The following MARCHF3 variants were observed in gnomAD, a reference collection of about 807,000 sequenced individuals.
The protein encoded by MARCHF3 is E3 ubiquitin-protein ligase MARCHF3.
In MARCHF3, 13 loss-of-function variants were observed where a neutral mutation model predicts 24.2. That is an observed-to-expected ratio of 0.54 (90% CI 0.35 to 0.85). The LOEUF (loss-of-function observed/expected upper bound fraction) is 0.85. MARCHF3 is among the 40% of genes least tolerant of loss of function. The probability of loss-of-function intolerance (pLI) is 0.01; values close to 1 mark genes in which losing one functional copy is unlikely to be tolerated. For synonymous variants in MARCHF3, 144 were observed against 137.3 expected (o/e 1.05, Z -0.34); for missense variants, 276 against 325.0 (o/e 0.85, Z 1.16).
At chr5:126,898,130 G>A (rs769635364) in intron 3 of MARCHF3, among the ~76,000 whole-genome samples, 1 of 151,992 alleles carries the variant, frequency 6.6e-6, no homozygotes, top group African/African-American at 2.4e-5. Context: ...AATCAACTGT[G>A]GTGATGACTA....
chr5:127,006,557 T>C (rs1037277718), intron 1 of MARCHF3, among the ~76,000 whole-genome samples: 1 of 152,228 alleles, frequency 6.6e-6, no homozygotes, highest in African/African-American at 2.4e-5. Flanking sequence ...ACGTTTAGTA[T>C]TTTAAAAAAT....
intron 1 of MARCHF3, among the ~76,000 whole-genome samples, chr5:126,963,304 A>G (rs1393683045): frequency 6.6e-6 from 1 of 152,162 alleles, no homozygotes. Flanking sequence ...AAATAATACA[A>G]TTCTTCTTTA....
chr5:126,896,201 C>T (rs905027033), intron 3 of MARCHF3, among the ~76,000 whole-genome samples: 6 of 152,150 alleles, frequency 3.9e-5, no homozygotes, highest in African/African-American at 1.4e-4. Flanking sequence ...TGACCTGCGC[C>T]CACTGTCTGG....
intron 3 of MARCHF3, among the ~76,000 whole-genome samples, chr5:126,910,098 C>G (rs565108079): frequency 2.0e-5 from 3 of 152,310 alleles, no homozygotes; most frequent in South Asian, 4.1e-4. Context: ...TGTGAAAAAT[C>G]ACTGTGGCTC....
intron 1 of MARCHF3, among the ~76,000 whole-genome samples, chr5:126,991,560 T>C (rs1345270940): frequency 6.6e-6 from 1 of 151,864 alleles, no homozygotes; most frequent in African/African-American, 2.4e-5. Context: ...TAAAATAAAA[T>C]AATACAAAAA....
At chr5:126,874,610 A>G (rs1312688126) in intron 4 of MARCHF3, among the ~76,000 whole-genome samples, 1 of 151,210 alleles carries the variant, frequency 6.6e-6, no homozygotes, top group Non-Finnish European at 1.5e-5. Flanking sequence ...AAAAAGTCAC[A>G]GAAGGCTTTG....
At chr5:126,951,239 T>C (rs1199358603) in intron 1 of MARCHF3, among the ~76,000 whole-genome samples, 1 of 152,204 alleles carries the variant, frequency 6.6e-6, no homozygotes. Context: ...ACCTCACTGA[T>C]GCTCTTTACT....
chr5:126,898,954 CTTTTT>C, intron 3 of MARCHF3: 5 of 899,310 alleles, frequency 5.6e-6, no homozygotes, highest in Non-Finnish European at 6.6e-6. Context: ...AAGAATTAAA[CTTTTT>C]TTTTTAGTAT....
chr5:126,904,519 G>A (rs1470769469), intron 3 of MARCHF3, among the ~76,000 whole-genome samples: 4 of 148,824 alleles, frequency 2.7e-5, no homozygotes, highest in African/African-American at 1.0e-4. Flanking sequence ...ACTGGTGTGA[G>A]ATGGTATCTC....
chr5:126,925,687 G>A (rs1273847071), intron 1 of MARCHF3, among the ~76,000 whole-genome samples: 1 of 152,190 alleles, frequency 6.6e-6, no homozygotes, highest in African/African-American at 2.4e-5. Context: ...GAGCCCCACT[G>A]AGCTGAGGGA....
intron 1 of MARCHF3, among the ~76,000 whole-genome samples, chr5:126,955,702 G>A (rs1750416177): frequency 6.6e-6 from 1 of 152,116 alleles, no homozygotes. Context: ...TGACTATATA[G>A]TCTGAAACGT....
chr5:127,002,852 T>C (rs1334931341), intron 1 of MARCHF3, among the ~76,000 whole-genome samples: 3 of 152,210 alleles, frequency 2.0e-5, no homozygotes, highest in African/African-American at 4.8e-5. Context: ...CACAGCTCCT[T>C]TCATAAATCA....
chr5:126,968,987 C>G (rs1750907386), intron 1 of MARCHF3, among the ~76,000 whole-genome samples: 1 of 152,086 alleles, frequency 6.6e-6, no homozygotes, highest in South Asian at 2.1e-4. Flanking sequence ...TGAAATAGTC[C>G]TTTAAAGCAC....
intron 3 of MARCHF3, among the ~76,000 whole-genome samples, chr5:126,905,908 A>G (rs1754275551): frequency 6.6e-6 from 1 of 152,158 alleles, no homozygotes; most frequent in South Asian, 2.1e-4. Flanking sequence ...TTCAAAAGGA[A>G]TGCTTCCAGT....
chr5:126,889,911 C>T (rs1431918179), intron 3 of MARCHF3, among the ~76,000 whole-genome samples: 6 of 152,202 alleles, frequency 3.9e-5, no homozygotes, highest in African/African-American at 1.4e-4. Context: ...GAGGCACTCC[C>T]TGTTCACATT....
chr5:126,973,739 A>G (rs1400773026), intron 1 of MARCHF3, among the ~76,000 whole-genome samples: 1 of 152,218 alleles, frequency 6.6e-6, no homozygotes, highest in African/African-American at 2.4e-5. Flanking sequence ...AAGAACATAT[A>G]TACGTTTTTG....
chr5:126,907,028 C>T (rs182423171), intron 3 of MARCHF3, among the ~76,000 whole-genome samples: 1,912 of 150,538 alleles, frequency 0.013, 64 homozygotes, highest in African/African-American at 0.042. Flanking sequence ...TCTTTGTTGT[C>T]GTTGGTTTCA....
At chr5:126,992,765 G>GTTTTT (rs1751812994) in intron 1 of MARCHF3, among the ~76,000 whole-genome samples, 7 of 116,110 alleles carry the variant, frequency 6.0e-5, no homozygotes, top group East Asian at 5.8e-4. Flanking sequence ...ACATCCACGT[G>GTTTTT]ATTTTTTTTT....
At chr5:126,897,164 C>T (rs933989179) in intron 3 of MARCHF3, among the ~76,000 whole-genome samples, 2 of 151,152 alleles carry the variant, frequency 1.3e-5, no homozygotes, top group Non-Finnish European at 2.9e-5. Context: ...CTCAGCCTCC[C>T]GAGTAGCTGG....
Sources: gnomAD v4.1 joint callset for allele counts (sites outside exome capture counted in the v4.1 genomes callset) on GRCh38, gnomAD v4.1.1 for gene constraint, MANE v1.5 for transcripts, NCBI Gene and HGNC (gene_info 2026-07-23, HGNC 2026-07-21) for gene names.